Variants in MGMT observed in about 807,000 individuals in gnomAD.
The protein encoded by MGMT is O-6-methylguanine-DNA methyltransferase.
In MGMT, 14 loss-of-function variants were observed where a neutral mutation model predicts 15.9. That is an observed-to-expected ratio of 0.88 (90% CI 0.58 to 1.37). The LOEUF (loss-of-function observed/expected upper bound fraction) is 1.37, where lower values mean the gene tolerates loss of function less well. Ranked by LOEUF, MGMT falls within the 40% of genes most tolerant of loss-of-function variation. The probability of loss-of-function intolerance (pLI) is 0.00; values close to 1 mark genes in which losing one functional copy is unlikely to be tolerated. For synonymous variants in MGMT, 130 were observed against 118.2 expected, an observed-to-expected ratio of 1.10 and a Z score of -0.65; for missense variants, 282 against 268.1, an observed-to-expected ratio of 1.05 and a Z score of -0.36.
chr10:129,472,476 T>TC (rs913955833), intron 1 of MGMT, among the ~76,000 whole-genome samples: 23 of 151,812 alleles, frequency 1.5e-4, no homozygotes, highest in African/African-American at 5.6e-4. Context: ...GCCCTCGTTT[T>TC]CCCCCCAGTC....
At chr10:129,753,477 C>T (rs1848771911) in intron 3 of MGMT, among the ~76,000 whole-genome samples, 1 of 152,058 alleles carries the variant, frequency 6.6e-6, no homozygotes, top group Admixed American at 6.5e-5. Flanking sequence ...TTGACCTTGT[C>T]TCACGTGTTC....
chr10:129,703,379 G>A (rs954532079), intron 2 of MGMT, among the ~76,000 whole-genome samples: 7 of 152,184 alleles, frequency 4.6e-5, no homozygotes, highest in Admixed American at 6.5e-5. Context: ...TGTGCACCCC[G>A]TTTTGCTCAG....
chr10:129,711,424 C>A (rs958323361), intron 3 of MGMT, among the ~76,000 whole-genome samples: 1 of 152,124 alleles, frequency 6.6e-6, no homozygotes, highest in South Asian at 2.1e-4. Context: ...ACCGGGTGTC[C>A]GGAGGTCCCC....
chr10:129,495,315 T>C (rs1013191958), intron 1 of MGMT, among the ~76,000 whole-genome samples: 9 of 152,362 alleles, frequency 5.9e-5, no homozygotes, highest in African/African-American at 2.2e-4. Flanking sequence ...AGAGTTTTCT[T>C]TGAATCTCAA....
chr10:129,546,078 GA>G (rs1846094815), intron 2 of MGMT, among the ~76,000 whole-genome samples: 1 of 152,206 alleles, frequency 6.6e-6, no homozygotes, highest in Non-Finnish European at 1.5e-5. Context: ...AAAACATTGT[GA>G]ATACATTTAG....
intron 4 of MGMT, among the ~76,000 whole-genome samples, chr10:129,764,702 TCGGAGTGATACCCGGGGGTACC>T (rs1207564270): frequency 2.0e-5 from 3 of 151,906 alleles, no homozygotes; most frequent in African/African-American, 7.3e-5. Flanking sequence ...AAGAGTGGAG[TCGGAGTGATACCCGGGGGTACC>T]CGGAGTGATA....
intron 2 of MGMT, among the ~76,000 whole-genome samples, chr10:129,667,742 G>A (rs1016105504): frequency 1.3e-5 from 2 of 152,230 alleles, no homozygotes; most frequent in African/African-American, 4.8e-5. Context: ...GAGGCTGCCT[G>A]TTGCTCCACT....
chr10:129,481,551 A>G (rs1463497251), intron 1 of MGMT, among the ~76,000 whole-genome samples: 1 of 152,162 alleles, frequency 6.6e-6, no homozygotes, highest in African/African-American at 2.4e-5. Context: ...TTACCAGTGA[A>G]GCCATTTGTG....
chr10:129,557,402 C>T (rs946490409), intron 2 of MGMT, among the ~76,000 whole-genome samples: 1 of 152,070 alleles, frequency 6.6e-6, no homozygotes, highest in Non-Finnish European at 1.5e-5. Flanking sequence ...CCTGTCAACT[C>T]GGGTAGAATT....
At chr10:129,530,850 G>C (rs367796276) in intron 1 of MGMT, among the ~76,000 whole-genome samples, 10 of 152,268 alleles carry the variant, frequency 6.6e-5, no homozygotes, top group African/African-American at 2.2e-4. Context: ...GTGGCTCCTC[G>C]CCCGGGGGCC....
At position 129,737,072 on chromosome 10, in the gene MGMT, A is replaced by G. The variant is rs971875439; in HGVS notation, c.275-22130A>G. On this transcript the variant is annotated intron_variant, in intron 3 of 4. Transcript: ENST00000651593. Reference sequence around the variant, plus strand: ...TCTTCTCGAGGAGTATCTTTGTGGCATTCTCTGTATTTCCTGAATCTGAAT... The same window carrying G: ...TCTTCTCGAGGAGTATCTTTGTGGCGTTCTCTGTATTTCCTGAATCTGAAT... Among the ~76,000 whole-genome samples, 31 of 151,360 alleles carry G rather than the reference A, an allele frequency of 2.0e-4. 1 individual carries two copies. Among genetic ancestry groups the G allele is most frequent in the African/African-American group, 6.3e-4 (26 of 41,244 alleles).
At chr10:129,469,602 C>T (rs1044978859) in intron 1 of MGMT, among the ~76,000 whole-genome samples, 5 of 152,216 alleles carry the variant, frequency 3.3e-5, no homozygotes, top group East Asian at 1.9e-4. Context: ...TGTGCTCATT[C>T]GGCTCTTGGG....
intron 2 of MGMT, among the ~76,000 whole-genome samples, chr10:129,679,876 G>A (rs1847828045): frequency 6.6e-6 from 1 of 152,144 alleles, no homozygotes; most frequent in Admixed American, 6.5e-5. Flanking sequence ...GAACTCCTAT[G>A]TACTTCATGG....
At chr10:129,692,287 G>A (rs1438638227) in intron 2 of MGMT, among the ~76,000 whole-genome samples, 1 of 152,178 alleles carries the variant, frequency 6.6e-6, no homozygotes, top group African/African-American at 2.4e-5. Flanking sequence ...CACACCTGGG[G>A]AGCCTGAGCG....
chr10:129,637,098 T>C (rs1312127253), intron 2 of MGMT, among the ~76,000 whole-genome samples: 2 of 152,236 alleles, frequency 1.3e-5, no homozygotes, highest in East Asian at 1.9e-4. Context: ...ATTAGTGTGG[T>C]GTGACAAGTA....
chr10:129,716,554 C>T (rs976481650), intron 3 of MGMT, among the ~76,000 whole-genome samples: 7 of 152,180 alleles, frequency 4.6e-5, no homozygotes, highest in African/African-American at 1.7e-4. Context: ...ACCTAGCAAC[C>T]GAGCTCAAGA....
chr10:129,569,340 C>A (rs577883466), intron 2 of MGMT, among the ~76,000 whole-genome samples: 1 of 152,312 alleles, frequency 6.6e-6, no homozygotes, highest in South Asian at 2.1e-4. Context: ...GCGTTGTCAT[C>A]CTGTTTACGG....
At chr10:129,604,723 CACCTCGCCGCCCCACCCCCT>C (rs1846866849) in intron 2 of MGMT, among the ~76,000 whole-genome samples, 1 of 128,374 alleles carries the variant, frequency 7.8e-6, no homozygotes, top group African/African-American at 2.7e-5. Context: ...ACCTGCACCC[CACCTCGCCGCCCCACCCCCT>C]CCCCCCGGCT....
intron 1 of MGMT, among the ~76,000 whole-genome samples, chr10:129,526,632 C>A (rs555617562): frequency 5.9e-5 from 9 of 152,298 alleles, no homozygotes; most frequent in South Asian, 2.1e-4. Flanking sequence ...TAGGTCGGAC[C>A]GCAGGTGCAC....
Sources: gnomAD v4.1 joint callset for allele counts (sites outside exome capture counted in the v4.1 genomes callset) on GRCh38, gnomAD v4.1.1 for gene constraint, MANE v1.5 for transcripts, NCBI Gene and HGNC (gene_info 2026-07-23, HGNC 2026-07-21) for gene names.